Variants in CFAP46 observed in about 807,000 individuals in gnomAD.
CFAP46 encodes the protein cilia and flagella associated protein 46, also known as cilia- and flagella-associated protein 46.
A neutral mutation model predicts 325.7 loss-of-function variants in CFAP46; 245 were observed. That is an observed-to-expected ratio of 0.75 (90% CI 0.68 to 0.84). CFAP46 has a LOEUF of 0.84. CFAP46 is among the 40% of genes least tolerant of loss of function. CFAP46 has a pLI of 0.00. For synonymous variants in CFAP46, 1,523 were observed against 1,495.9 expected (o/e 1.02, Z -0.42); for missense variants, 3,346 against 3,543.0 (o/e 0.94, Z 1.41).
At chr10:132,908,657 G>A (rs1406056756) in intron 21 of CFAP46, 23 bp from the exon 22 acceptor site, 2 of 1,514,020 alleles carry the variant, frequency 1.3e-6, no homozygotes, top group South Asian at 2.6e-5. Flanking sequence ...GGCAAGAGAA[G>A]GGGCACCGTG....
chr10:132,821,863 T>C (rs1379537400), intron 50 of CFAP46, among the ~76,000 whole-genome samples: 3 of 144,876 alleles, frequency 2.1e-5, no homozygotes, highest in Admixed American at 1.3e-4. Flanking sequence ...ATGTGTGCTG[T>C]GTGTGCTGTG....
intron 5 of CFAP46, 30 bp from the exon 6 acceptor site, chr10:132,937,705 C>T: frequency 6.3e-7 from 1 of 1,575,150 alleles, no homozygotes; most frequent in South Asian, 1.2e-5. Context: ...CACTGGTCAA[C>T]CTGGTTGAAA....
At chr10:132,913,802 G>A (rs1293630621) in intron 17 of CFAP46, among the ~76,000 whole-genome samples, 1 of 133,646 alleles carries the variant, frequency 7.5e-6, no homozygotes, top group Non-Finnish European at 1.5e-5. Context: ...TGTGGGGGCT[G>A]CATGGGGCAG....
At position 132,942,497 on chromosome 10, in the gene CFAP46, C is replaced by G; in HGVS notation, c.-13G>C. ...TGACCAGGTCCATGGCGCCGGCGCC[C>G]TGCTCGTCCGCTCTCTCCGGGGTCC... On this transcript the variant is annotated 5_prime_UTR_variant, in exon 1 of 58. Coordinates refer to ENST00000368586, the MANE Select transcript of CFAP46 (RefSeq NM_001200049.3). The G allele has an allele frequency of 7.9e-7, 1 of 1,272,584 alleles. No homozygotes were observed. Among genetic ancestry groups the G allele is most frequent in the South Asian group, 3.0e-5 (1 of 33,890 alleles). 78.8% of individuals were successfully genotyped at this position (1,272,584 alleles called of 1,614,324 possible).
chr10:132,846,764 C>T (rs573007746), intron 43 of CFAP46, among the ~76,000 whole-genome samples, 168 bp downstream of exon 43: 1 of 152,362 alleles, frequency 6.6e-6, no homozygotes, highest in Non-Finnish European at 1.5e-5. Context: ...TGCATGTTCT[C>T]TCTGAGCCAC....
intron 8 of CFAP46, among the ~76,000 whole-genome samples, chr10:132,933,548 T>G: frequency 6.6e-6 from 1 of 152,184 alleles, no homozygotes; most frequent in East Asian, 1.9e-4. Context: ...CACATCCCCA[T>G]GTACACATGC....
intron 50 of CFAP46, among the ~76,000 whole-genome samples, chr10:132,831,519 A>G (rs1413475711): frequency 1.3e-5 from 2 of 152,190 alleles, no homozygotes; most frequent in African/African-American, 2.4e-5. Context: ...TCACATTCCC[A>G]GGATGAACTC....
intron 24 of CFAP46, 45 bp downstream of exon 24, chr10:132,898,914 A>G (rs1002456226): frequency 6.5e-7 from 1 of 1,540,170 alleles, no homozygotes; most frequent in African/African-American, 1.4e-5. Flanking sequence ...AAGACCCACT[A>G]GAGGCCTCAG....
At chr10:132,931,130 A>C (rs1343817117) in intron 8 of CFAP46, among the ~76,000 whole-genome samples, 2 of 30,612 alleles carry the variant, frequency 6.5e-5, no homozygotes, top group Non-Finnish European at 5.8e-5. Flanking sequence ...CCTTCCCCAC[A>C]CTCCCCACGC....
rs1159686441 is a variant in CFAP46 at position 132,834,112 on chromosome 10, G to A, written c.6878C>T (p.Pro2293Leu). 1 of 1,613,958 alleles carries A rather than the reference G, an allele frequency of 6.2e-7. No individual in the cohort carries two copies. The highest frequency in any genetic ancestry group is 2.2e-5 in the East Asian group (1 of 44,890). The change falls in exon 49 of 58, where the codon CCT (proline) becomes CTT (leucine). Residue 2293 changes from proline to leucine, a missense_variant. By Grantham distance (98) the Pro-to-Leu change is moderately conservative. Coordinates refer to ENST00000368586, the MANE Select transcript of CFAP46 (RefSeq NM_001200049.3). ...LSLSKARVQT[P>L]AVVADSGKSK... ...CTTCCCTGAATCGGCAACAACCGCA[G>A]GTGTCTGCACTCTGAAAGTCAGGTT...
chr10:132,836,493 G>C (rs1848249905), intron 45 of CFAP46, among the ~76,000 whole-genome samples: 1 of 152,254 alleles, frequency 6.6e-6, no homozygotes. Context: ...GCTGGCTCCA[G>C]GCCAGTGGGA....
intron 39 of CFAP46, among the ~76,000 whole-genome samples, chr10:132,857,013 G>A (rs184738824): frequency 1.1e-4 from 16 of 152,318 alleles, no homozygotes; most frequent in East Asian, 1.9e-4. Context: ...AATGACCCCC[G>A]ACTGAGGCAA....
At position 132,812,863 on chromosome 10, in the gene CFAP46, T is replaced by G. The variant is rs544758664; in HGVS notation, c.7423A>C (p.Ser2475Arg). ...AQWEQALGSC[S>R]GFFFYGMESF... is the part of the protein sequence containing the mutation. ...TCCATTCCATAGAAGAAGAAACCGC[T>G]GCAGCTGCCCAGGGCCTGCTCCCAC... Residue 2475 changes from serine (S) to arginine (R), a missense_variant, in exon 55 of 58, where the codon AGC becomes CGC. Coordinates refer to ENST00000368586, the MANE Select transcript of CFAP46 (RefSeq NM_001200049.3). 1.9e-6 allele frequency: 3 copies of G among 1,610,672 alleles called. No homozygotes were observed. In the South Asian group the frequency reaches 3.3e-5, roughly 18 times the overall value.
intron 50 of CFAP46, among the ~76,000 whole-genome samples, chr10:132,815,616 C>A (rs530298611): frequency 6.6e-6 from 1 of 152,222 alleles, no homozygotes; most frequent in Admixed American, 6.5e-5. Context: ...TCTAGGACAT[C>A]TGTACGTTTT....
intron 29 of CFAP46, among the ~76,000 whole-genome samples, chr10:132,878,765 G>A (rs1344821711): frequency 2.0e-5 from 3 of 152,314 alleles, no homozygotes; most frequent in East Asian, 1.9e-4. Flanking sequence ...ACGGCTGGGC[G>A]GTGGCCCTCT....
chr10:132,938,788 C>T (rs774343630), intron 4 of CFAP46, 35 bp from the exon 5 acceptor site: 2 of 1,592,586 alleles, frequency 1.3e-6, no homozygotes, highest in Non-Finnish European at 8.6e-7. Context: ...AGAGCACGCT[C>T]AAAGCCCAGC....
intron 1 of CFAP46, 58 bp from the exon 2 acceptor site, chr10:132,942,162 G>C: frequency 6.5e-7 from 1 of 1,542,382 alleles, no homozygotes; most frequent in Middle Eastern, 1.7e-4. Flanking sequence ...AAGTGAGCCG[G>C]GCAACGCCAT....
Position 132,920,100 on chromosome 10 carries a change from G to A in CFAP46, c.1689C>T (p.Ala563=), listed in dbSNP as rs942311149. 20 of 1,548,582 alleles carry A rather than the reference G, an allele frequency of 1.3e-5. No individual in the cohort carries two copies. The highest frequency in any genetic ancestry group is 5.9e-5 in the Admixed American group (3 of 50,572). The change falls in exon 14 of 58, where the codon GCC becomes GCT. Residue 563 remains alanine (A), a synonymous_variant. Transcript: ENST00000368586. ...WHHTVSVDKA[A]GHLRRLGNEN... ...CGTTGCCCAGGCGCCGCAGGTGCCC[G>A]GCAGCTTTGTCCACGCTGACGGTGT...
intron 22 of CFAP46, among the ~76,000 whole-genome samples, chr10:132,906,206 C>T (rs1188224935): frequency 1.3e-5 from 2 of 152,254 alleles, no homozygotes; most frequent in Non-Finnish European, 2.9e-5. Flanking sequence ...CCACGCATGG[C>T]AGTGCCAGGC....
Sources: allele counts gnomAD v4.1 joint callset (sites outside exome capture counted in the v4.1 genomes callset), GRCh38; gene constraint gnomAD v4.1.1; transcripts MANE v1.5; gene names NCBI Gene and HGNC (gene_info 2026-07-23, HGNC 2026-07-21).